The following GRIK5 variants were observed in gnomAD, a reference collection of about 807,000 sequenced individuals.
GRIK5 encodes glutamate ionotropic receptor kainate type subunit 5, also known as glutamate receptor ionotropic, kainate 5.
A neutral mutation model predicts 97.4 loss-of-function variants in GRIK5; 43 were observed. That is an observed-to-expected ratio of 0.44 (90% confidence interval 0.35 to 0.57). The LOEUF (loss-of-function observed/expected upper bound fraction) is 0.57. GRIK5 is among the 20% of genes least tolerant of loss of function. The pLI is 0.01. For synonymous variants in GRIK5, 580 were observed against 583.5 expected (o/e 0.99, Z 0.09); for missense variants, 1,015 against 1,382.0 (o/e 0.73, Z 4.21).
Position 42,003,488 on chromosome 19 carries a change from T to C in GRIK5, c.2393-35A>G. On this transcript the variant is annotated intron_variant, in intron 18 of 19. Transcript: ENST00000593562. This position sits in a 1 kb window ranked among gnomAD's most constrained non-coding sequence, Gnocchi z 4.2. ...GAAGGGAGTTGGGGGGCAAAGGGAG[T>C]TGGGGCTGTGTGGGAAGGGGGCTGG... 1 of 1,610,584 alleles carries C rather than the reference T, an allele frequency of 6.2e-7. No individual in the cohort carries two copies. The highest frequency in any genetic ancestry group is 8.5e-7 in the Non-Finnish European group (1 of 1,177,722).
intron 15 of GRIK5, among the ~76,000 whole-genome samples, chr19:42,019,289 T>C (rs1453269717): frequency 6.6e-6 from 1 of 151,982 alleles, no homozygotes; most frequent in Non-Finnish European, 1.5e-5. Flanking sequence ...TGCTCCTCCC[T>C]CTCCTTGGCA....
intron 12 of GRIK5, among the ~76,000 whole-genome samples, chr19:42,038,619 C>T (rs911460730): frequency 1.3e-5 from 2 of 152,256 alleles, no homozygotes; most frequent in African/African-American, 4.8e-5. Context: ...TCCCAAGTTC[C>T]CAGCTGGAGG....
At chr19:42,054,583 C>T in intron 8 of GRIK5, 111 bp from the exon 9 acceptor site, 1 of 1,243,738 alleles carries the variant, frequency 8.0e-7, no homozygotes, top group Non-Finnish European at 1.1e-6. Flanking sequence ...TCCCTCTCCC[C>T]AGGAATGGGA....
chr19:42,049,177 G>C (rs2076081121), intron 11 of GRIK5, among the ~76,000 whole-genome samples: 1 of 152,166 alleles, frequency 6.6e-6, no homozygotes, highest in South Asian at 2.1e-4. Context: ...GACAAACCGA[G>C]TAGCAAGTGG....
At chr19:42,004,453 C>T (rs1288974314) in intron 17 of GRIK5, among the ~76,000 whole-genome samples, 1 of 152,150 alleles carries the variant, frequency 6.6e-6, no homozygotes, top group Non-Finnish European at 1.5e-5. Flanking sequence ...GAGACACGGG[C>T]AGATGAAAGT....
chr19:42,017,263 C>T (rs2075636174), intron 15 of GRIK5, among the ~76,000 whole-genome samples: 7 of 152,350 alleles, frequency 4.6e-5, no homozygotes, highest in African/African-American at 1.4e-4. Flanking sequence ...ATGCCACTTA[C>T]TCATTCTAAG....
intron 15 of GRIK5, among the ~76,000 whole-genome samples, chr19:42,007,386 C>T (rs565829795): frequency 4.6e-5 from 7 of 152,256 alleles, no homozygotes; most frequent in Middle Eastern, 3.4e-3. Context: ...TGAGCGACCA[C>T]GCCCGGCCAG....
At chr19:42,023,481 GGTCTGTCCTAGCAAGGCCC>G (rs2075728750) in intron 12 of GRIK5, among the ~76,000 whole-genome samples, 1 of 152,116 alleles carries the variant, frequency 6.6e-6, no homozygotes, top group African/African-American at 2.4e-5. Flanking sequence ...ACCCACTGGG[GGTCTGTCCTAGCAAGGCCC>G]TGCATGGTGG....
chr19:42,069,658 G>T lies in GRIK5; in HGVS notation c.-468C>A, dbSNP rs1008019441. ...TCCCCTAGCCGGGCCGGCCTGGGGGGGCCACAGGGGGCGAGGACTGGGTGG... is the reference window on the plus strand; with the variant it reads ...TCCCCTAGCCGGGCCGGCCTGGGGGTGCCACAGGGGGCGAGGACTGGGTGG... On this transcript the variant is annotated 5_prime_UTR_variant, in exon 1 of 20. Coordinates refer to ENST00000593562, the MANE Select transcript of GRIK5 (RefSeq NM_002088.5). Among the ~76,000 whole-genome samples, 1 of 149,356 alleles carries T rather than the reference G, an allele frequency of 6.7e-6. No homozygotes were observed. The highest frequency in any genetic ancestry group is 1.5e-5 in the Non-Finnish European group (1 of 66,912).
chr19:42,054,254 A>ACAGTGAGC, intron 9 of GRIK5, 66 bp downstream of exon 9: 1 of 1,521,388 alleles, frequency 6.6e-7, no homozygotes, highest in Non-Finnish European at 8.9e-7. Flanking sequence ...CAGGGTGGTC[A>ACAGTGAGC]CAGTGAGCGC....
intron 15 of GRIK5, among the ~76,000 whole-genome samples, chr19:42,014,983 T>A (rs1288442780): frequency 1.3e-5 from 2 of 152,224 alleles, no homozygotes; most frequent in African/African-American, 2.4e-5. Context: ...ATGCAAACAT[T>A]AAGCCTCAGA....
In GRIK5 at chr19:41,999,316, C is replaced by A. The variant is rs1354933229; in HGVS notation, c.2515-17G>T. 1 of 1,503,496 alleles carries A rather than the reference C, an allele frequency of 6.7e-7. No homozygotes were observed. Among genetic ancestry groups the A allele is most frequent in the Non-Finnish European group, 8.8e-7 (1 of 1,132,772 alleles). The allele number at this position is 1,503,496 out of a possible 1,614,324, so 93.1% of individuals were successfully genotyped here. A position where few individuals can be genotyped will look rare whatever the true frequency, so the allele number is the denominator to read the frequency against. Reference sequence around the variant, plus strand: ...CACCGACACCTGGGGGTGGCGCGGGCGGTCACCGTCCCGGCGCAGTCCGCC... The same window carrying A: ...CACCGACACCTGGGGGTGGCGCGGGAGGTCACCGTCCCGGCGCAGTCCGCC... On this transcript the variant is annotated splice_polypyrimidine_tract_variant and intron_variant, in intron 19 of 19. Transcript: ENST00000593562. The surrounding 1 kb of genome is among the most constrained non-coding windows in gnomAD (Gnocchi z 5.0).
intron 5 of GRIK5, among the ~76,000 whole-genome samples, chr19:42,061,385 C>T (rs1260598449): frequency 2.6e-5 from 4 of 151,932 alleles, no homozygotes; most frequent in African/African-American, 7.3e-5. Context: ...CGCCATGTTG[C>T]CCAGGCTGGT....
chr19:42,018,149 TAAAAAA>T (rs11452086), intron 15 of GRIK5, among the ~76,000 whole-genome samples: 3 of 62,810 alleles, frequency 4.8e-5, no homozygotes, highest in African/African-American at 1.4e-4. Flanking sequence ...CCATCTCTAC[TAAAAAA>T]AAAAAAAAAA....
At chr19:42,052,424 G>A (rs567286688) in intron 11 of GRIK5, among the ~76,000 whole-genome samples, 8 of 152,274 alleles carry the variant, frequency 5.3e-5, no homozygotes, top group East Asian at 3.9e-4. Context: ...CTGGTTTCCC[G>A]TCTGCAGGCC....
chr19:42,038,903 C>T (rs748722928), intron 12 of GRIK5, among the ~76,000 whole-genome samples: 2 of 152,204 alleles, frequency 1.3e-5, no homozygotes, highest in Non-Finnish European at 2.9e-5. Flanking sequence ...ATCCTTCACG[C>T]TCCAGCTCCT....
chr19:42,054,376 A>G lies in GRIK5; in HGVS notation c.1000T>C (p.Cys334Arg). The change falls in exon 9 of 20, where the codon TGT becomes CGT. Residue 334 changes from cysteine to arginine, a missense_variant. By Grantham distance (180) the Cys-to-Arg change is radical. This residue lies in a region of GRIK5 where 477 missense variants were observed against 701.1 expected (regional missense o/e 0.68). Transcript: ENST00000593562. ...TGGGGCCAAATGTTGGCCGATGTACAGGCCAGAGGCTTCACACCGATCTCC... is the reference window on the plus strand; with the variant it reads ...TGGGGCCAAATGTTGGCCGATGTACGGGCCAGAGGCTTCACACCGATCTCC... ...SQEIGVKPLA[C>R]TSANIWPHGT... is the part of the protein sequence containing the mutation. 6.2e-7 allele frequency: 1 copy of G among 1,613,690 alleles called. No individual in the cohort carries two copies. Among genetic ancestry groups the G allele is most frequent in the South Asian group, 1.1e-5 (1 of 91,076 alleles).
intron 12 of GRIK5, among the ~76,000 whole-genome samples, chr19:42,036,408 A>G (rs1360177331): frequency 6.6e-6 from 1 of 151,928 alleles, no homozygotes; most frequent in African/African-American, 2.4e-5. Context: ...GCTGGAGTGC[A>G]GTGGTGCAAT....
In GRIK5 at chr19:42,002,804, C is replaced by G. The variant is rs1187958198; in HGVS notation, c.2514+528G>C. On this transcript the variant is annotated intron_variant, in intron 19 of 19. Coordinates refer to ENST00000593562, the MANE Select transcript of GRIK5 (RefSeq NM_002088.5). The surrounding 1 kb of genome is among the most constrained non-coding windows in gnomAD (Gnocchi z 5.2). ...AGGCTGGAGTGCAGTGGTGCAATCT[C>G]AGCTTACTGCAATCTCCACCTCCCG... 1.3e-5 allele frequency among the ~76,000 whole-genome samples: 2 copies of G among 152,156 alleles called. No individual in the cohort carries two copies. Among genetic ancestry groups the G allele is most frequent in the African/African-American group, 4.8e-5 (2 of 41,424 alleles).
Sources: allele counts gnomAD v4.1 joint callset (sites outside exome capture counted in the v4.1 genomes callset), GRCh38; gene constraint gnomAD v4.1.1; regional missense constraint gnomAD v4.1.1; non-coding constraint Gnocchi (gnomAD v3.1); transcripts MANE v1.5; gene names NCBI Gene and HGNC (gene_info 2026-07-23, HGNC 2026-07-21).